Variants in PTPRN2 observed in about 807,000 individuals in gnomAD.
PTPRN2 encodes the protein protein tyrosine phosphatase receptor type N2, also known as receptor-type tyrosine-protein phosphatase N2.
PTPRN2 carries 74 observed loss-of-function variants against 118.8 expected under a neutral mutation model. That is an observed-to-expected ratio of 0.62 (90% confidence interval 0.52 to 0.76). The LOEUF (loss-of-function observed/expected upper bound fraction) is 0.76. PTPRN2 is among the 30% of genes least tolerant of loss of function. The pLI is 0.00. For synonymous variants in PTPRN2, 641 were observed against 608.0 expected (o/e 1.05, Z -0.80); for missense variants, 1,481 against 1,394.4 (o/e 1.06, Z -0.99).
chr7:158,549,751 A>T (rs550753784), intron 1 of PTPRN2, among the ~76,000 whole-genome samples: 2 of 152,372 alleles, frequency 1.3e-5, no homozygotes, highest in South Asian at 4.1e-4. Flanking sequence ...AAACCCCGTG[A>T]GAACACCGAT....
At position 157,707,843 on chromosome 7, in the gene PTPRN2, G is replaced by GCCC. The variant is rs572526950; in HGVS notation, c.1789-24909_1789-24907dup. ...TTGACCTTGTGATCCACTCGCCTTG[G>GCCC]CCCCCAAAGTGCTGGGATTACAGGC... On this transcript the variant is annotated intron_variant, in intron 12 of 22. Transcript: ENST00000389418. Among the ~76,000 whole-genome samples, 84 of 152,300 alleles carry GCCC rather than the reference G, an allele frequency of 5.5e-4. 1 individual carries two copies. Among genetic ancestry groups the GCCC allele is most frequent in the Non-Finnish European group, 1.1e-3 (73 of 68,008 alleles).
In PTPRN2 at chr7:157,977,462, C is replaced by T. The variant is rs1802835003; in HGVS notation, c.1724-78725G>A. Reference sequence around the variant, plus strand: ...AAGCTGATGCCTGAATGCCAAGAGCCACCTGGGCAAATGTGGGATTGTGCC... The same window carrying T: ...AAGCTGATGCCTGAATGCCAAGAGCTACCTGGGCAAATGTGGGATTGTGCC... On this transcript the variant is annotated intron_variant, in intron 11 of 22. Transcript: ENST00000389418. This position sits in a 1 kb window ranked among gnomAD's most constrained non-coding sequence, Gnocchi z 4.6. Among the ~76,000 whole-genome samples the T allele has an allele frequency of 6.6e-6, 1 of 151,906 alleles. No individual in the cohort carries two copies. Among genetic ancestry groups the T allele is most frequent in the African/African-American group, 2.4e-5 (1 of 41,402 alleles).
At chr7:157,677,781 G>T (rs1268593261) in intron 13 of PTPRN2, among the ~76,000 whole-genome samples, 1 of 152,182 alleles carries the variant, frequency 6.6e-6, no homozygotes, top group African/African-American at 2.4e-5. Flanking sequence ...GTTTCCTTCC[G>T]ATTTCCTTCA....
chr7:158,340,250 C>G (rs1205389165), intron 2 of PTPRN2, among the ~76,000 whole-genome samples: 4 of 92,520 alleles, frequency 4.3e-5, no homozygotes, highest in Non-Finnish European at 7.3e-5. Flanking sequence ...CACACTCTCA[C>G]TATAAGAGGT....
chr7:158,404,006 G>A (rs1813150653), intron 2 of PTPRN2, among the ~76,000 whole-genome samples: 1 of 152,154 alleles, frequency 6.6e-6, no homozygotes, highest in Non-Finnish European at 1.5e-5. Flanking sequence ...AGTCCATTAG[G>A]ACAGACACAA....
intron 6 of PTPRN2, among the ~76,000 whole-genome samples, chr7:158,150,188 G>A (rs948334824): frequency 3.3e-5 from 5 of 152,220 alleles, no homozygotes; most frequent in African/African-American, 9.6e-5. Context: ...GGCAGTGTGT[G>A]TGAGACCCAC....
intron 11 of PTPRN2, among the ~76,000 whole-genome samples, chr7:157,914,320 G>A (rs770408561): frequency 1.3e-5 from 2 of 151,952 alleles, no homozygotes; most frequent in Non-Finnish European, 2.9e-5. Flanking sequence ...CACTCCATAG[G>A]CTTCTGGAAT....
At chr7:158,549,685 G>A (rs1826523281) in intron 1 of PTPRN2, among the ~76,000 whole-genome samples, 1 of 152,240 alleles carries the variant, frequency 6.6e-6, no homozygotes, top group South Asian at 2.1e-4. Flanking sequence ...CAGCCCAGGA[G>A]TGGGAGTGAA....
intron 9 of PTPRN2, among the ~76,000 whole-genome samples, chr7:158,123,383 A>G (rs1817334488): frequency 2.0e-5 from 3 of 152,146 alleles, no homozygotes. Context: ...CACCACGGTG[A>G]CCGACGCCAT....
intron 3 of PTPRN2, among the ~76,000 whole-genome samples, chr7:158,206,705 A>G (rs1418456008): frequency 2.0e-5 from 3 of 152,196 alleles, no homozygotes; most frequent in Non-Finnish European, 4.4e-5. Flanking sequence ...TGAAACAGCC[A>G]TGAAATTACT....
intron 12 of PTPRN2, among the ~76,000 whole-genome samples, chr7:157,841,911 CTG>C (rs1309512491): frequency 1.3e-5 from 2 of 152,038 alleles, no homozygotes; most frequent in East Asian, 3.9e-4. Flanking sequence ...TACCCGGGGA[CTG>C]TGTCTTTTTT....
chr7:158,407,815 C>G (rs1813718752), intron 2 of PTPRN2, among the ~76,000 whole-genome samples: 1 of 152,234 alleles, frequency 6.6e-6, no homozygotes, highest in Non-Finnish European at 1.5e-5. Flanking sequence ...GATGTGGAAC[C>G]ATCGCCGTGC....
chr7:158,026,441 G>A (rs1031127128), intron 11 of PTPRN2, among the ~76,000 whole-genome samples: 6 of 152,160 alleles, frequency 3.9e-5, no homozygotes, highest in South Asian at 4.1e-4. Context: ...GATGCCAGCC[G>A]GACAGCATGG....
chr7:158,091,024 T>G (rs541961411), intron 10 of PTPRN2, among the ~76,000 whole-genome samples: 8 of 152,248 alleles, frequency 5.3e-5, no homozygotes, highest in Non-Finnish European at 1.2e-4. Context: ...TGACAAAAGC[T>G]TCCATGTTTC....
At position 158,285,208 on chromosome 7, in the gene PTPRN2, C is replaced by T. The variant is rs189424436; in HGVS notation, c.277+31611G>A. Among the ~76,000 whole-genome samples, 10 of 152,256 alleles carry T rather than the reference C, an allele frequency of 6.6e-5. No individual in the cohort carries two copies. The East Asian group carries it at 1.9e-3, about 29-fold the overall frequency. ...GAAATGACCTTCACTGCGCTCCTGC[C>T]CAGAATGTGTGGGAAGAAAAGGGCA... is the stretch of plus-strand genomic sequence containing the variant. On this transcript the variant is annotated intron_variant, in intron 3 of 22. Coordinates refer to ENST00000389418, the MANE Select transcript of PTPRN2 (RefSeq NM_002847.5).
intron 10 of PTPRN2, among the ~76,000 whole-genome samples, chr7:158,106,632 C>T (rs562936578): frequency 2.6e-5 from 4 of 152,332 alleles, no homozygotes; most frequent in East Asian, 3.9e-4. Flanking sequence ...TCCACACAAA[C>T]GCCTACCTGT....
At chr7:158,261,265 A>G (rs12698192) in intron 3 of PTPRN2, among the ~76,000 whole-genome samples, 152,158 of 152,228 alleles carry the variant, frequency 1, 76,044 homozygotes, top group Middle Eastern at 1. Context: ...AGCGGGAAGA[A>G]GCTCCCGGAA....
chr7:158,003,948 T>A lies in PTPRN2; in HGVS notation c.1723+77350A>T, dbSNP rs142092994. Among the ~76,000 whole-genome samples the A allele has an allele frequency of 4.7e-4, 72 of 152,286 alleles. No individual in the cohort carries two copies. Among genetic ancestry groups the A allele is most frequent in the African/African-American group, 1.5e-3 (61 of 41,542 alleles). On this transcript the variant is annotated intron_variant, in intron 11 of 22. Transcript: ENST00000389418. The surrounding 1 kb of genome is among the most constrained non-coding windows in gnomAD (Gnocchi z 5.0). ...TACGAAAAATCATTTGCTACTGTCA[T>A]AGCAGTATAGGAAACGTGTCAGCAC...
chr7:158,151,115 C>CATCT (rs1821026965), intron 6 of PTPRN2, among the ~76,000 whole-genome samples: 1 of 26,992 alleles, frequency 3.7e-5, no homozygotes, highest in Non-Finnish European at 6.6e-5. Context: ...TCTGCTCCTA[C>CATCT]CCCTGCCCAC....
Sources: gnomAD v4.1 joint callset for allele counts (sites outside exome capture counted in the v4.1 genomes callset) on GRCh38, gnomAD v4.1.1 for gene constraint, Gnocchi (gnomAD v3.1) non-coding constraint, MANE v1.5 for transcripts, NCBI Gene and HGNC (gene_info 2026-07-23, HGNC 2026-07-21) for gene names.